The following ESR1 variants were observed in gnomAD, a reference collection of about 807,000 sequenced individuals.
The protein encoded by ESR1 is estrogen receptor.
A neutral mutation model predicts 52.7 loss-of-function variants in ESR1; 12 were observed. The observed-to-expected ratio is 0.23, with a 90% CI of 0.15 to 0.37. The LOEUF (loss-of-function observed/expected upper bound fraction) is 0.37, where lower values mean the gene tolerates loss of function less well. Ranked by LOEUF, ESR1 falls within the 10% of genes least tolerant of loss-of-function variation. ESR1 has a pLI of 1.00. For missense variants in ESR1, 584 were observed against 779.7 expected (o/e 0.75, Z 2.99); for synonymous variants, 305 against 316.8 (o/e 0.96, Z 0.39).
intron 2 of ESR1, among the ~76,000 whole-genome samples, chr6:151,870,053 G>T (rs1470219795): frequency 6.6e-6 from 1 of 152,056 alleles, no homozygotes; most frequent in Non-Finnish European, 1.5e-5. Context: ...CATTTTCTTT[G>T]GCTCATTGCA....
Position 151,807,881 on chromosome 6 carries a change from C to T in ESR1, c.-32C>T. On this transcript the variant is annotated 5_prime_UTR_variant, in exon 1 of 8. Coordinates refer to ENST00000206249, the MANE Select transcript of ESR1 (RefSeq NM_000125.4). ...TTCTGAGCCTTCTGCCCTGCGGGGA[C>T]ACGGTCTGCACCCTGCCCGCGGCCA... is the stretch of plus-strand genomic sequence containing the variant. 1 of 1,599,336 alleles carries T rather than the reference C, an allele frequency of 6.3e-7. No individual in the cohort carries two copies.
At chr6:151,891,484 T>G (rs1794692009) in intron 3 of ESR1, among the ~76,000 whole-genome samples, 1 of 151,996 alleles carries the variant, frequency 6.6e-6, no homozygotes, top group South Asian at 2.1e-4. Flanking sequence ...TTCCATATGC[T>G]TTTTTTTGTT....
At chr6:151,869,683 T>G (rs1790598265) in intron 2 of ESR1, among the ~76,000 whole-genome samples, 1 of 152,228 alleles carries the variant, frequency 6.6e-6, no homozygotes, top group African/African-American at 2.4e-5. Flanking sequence ...AGATAGAGGC[T>G]TTCCTCTTCA....
rs1401548943 is a variant in ESR1 at position 151,697,132 on chromosome 6, G to T, written c.-201-4743G>T. The stretch of plus-strand genomic sequence containing the variant: ...TGGTGTAGGATTGGAATGAAATAAA[G>T]ACTTAACCTTAGAAAAATACTGTGT... On this transcript the variant is annotated intron_variant, in intron 1 of 2. Coordinates refer to the ESR1 transcript ENST00000404742. 3.9e-5 allele frequency among the ~76,000 whole-genome samples: 6 copies of T among 152,240 alleles called. No homozygotes were observed. In the East Asian group the frequency reaches 1.2e-3, roughly 29 times the overall value.
intron 2 of ESR1, among the ~76,000 whole-genome samples, chr6:151,712,927 G>A (rs3020338): frequency 0.24 from 35,802 of 151,970 alleles, 4,350 homozygotes; most frequent in Non-Finnish European, 0.25. Context: ...GTTTTCAAAG[G>A]GAATTCTTCC....
intron 4 of ESR1, among the ~76,000 whole-genome samples, chr6:151,957,745 T>C (rs1265260532): frequency 6.6e-6 from 1 of 151,166 alleles, no homozygotes; most frequent in Non-Finnish European, 1.5e-5. Flanking sequence ...ATAAATCCTA[T>C]TTCAGATGTG....
At chr6:151,783,119 C>G (rs1786704760) in intron 2 of ESR1, among the ~76,000 whole-genome samples, 1 of 152,256 alleles carries the variant, frequency 6.6e-6, no homozygotes, top group Admixed American at 6.5e-5. Context: ...AAGGACACTG[C>G]AATGACTGTC....
intron 3 of ESR1, among the ~76,000 whole-genome samples, chr6:151,914,778 A>G (rs1446461101): frequency 1.3e-5 from 2 of 152,188 alleles, no homozygotes; most frequent in Non-Finnish European, 2.9e-5. Flanking sequence ...AGCGTCCTCC[A>G]TAGTACATAA....
intron 5 of ESR1, among the ~76,000 whole-genome samples, chr6:152,056,254 T>C (rs755352378): frequency 6.6e-6 from 1 of 152,210 alleles, no homozygotes; most frequent in East Asian, 1.9e-4. Flanking sequence ...TTTTGTAGCA[T>C]TGAAGATAAA....
At chr6:151,891,000 A>G (rs753459546) in intron 3 of ESR1, among the ~76,000 whole-genome samples, 1 of 152,028 alleles carries the variant, frequency 6.6e-6, no homozygotes, top group Non-Finnish European at 1.5e-5. Context: ...GCGATTTTCT[A>G]TAGTGGTATC....
At chr6:152,041,066 C>G (rs1327696975) in intron 5 of ESR1, among the ~76,000 whole-genome samples, 1 of 152,208 alleles carries the variant, frequency 6.6e-6, no homozygotes, top group Non-Finnish European at 1.5e-5. Context: ...GTCAAACATA[C>G]AGTTTCTACC....
At chr6:152,065,493 A>G (rs3778081) in intron 6 of ESR1, among the ~76,000 whole-genome samples, 12,656 of 152,142 alleles carry the variant, frequency 0.083, 864 homozygotes, top group East Asian at 0.34. Flanking sequence ...TCTCTAATAA[A>G]TGTTTGGTTT....
intron 4 of ESR1, among the ~76,000 whole-genome samples, chr6:151,964,528 A>G (rs2038036027): frequency 6.6e-6 from 1 of 152,120 alleles, no homozygotes; most frequent in Non-Finnish European, 1.5e-5. Context: ...TGTATGCTTC[A>G]ACTTTACTGC....
intron 2 of ESR1, among the ~76,000 whole-genome samples, chr6:151,793,258 A>G (rs948509037): frequency 6.6e-6 from 1 of 152,072 alleles, no homozygotes; most frequent in South Asian, 2.1e-4. Flanking sequence ...GGTCAGGATC[A>G]TCAATGTCAC....
At position 151,961,834 on chromosome 6, in the gene ESR1, C is replaced by T. The variant is rs543127910; in HGVS notation, c.1096+17326C>T. Reference sequence around the variant, plus strand: ...AGTAAATAGCATGGCTGCTGAGCTGCGTTACAAGCCCACCCGGTGTTGGGT... The same window carrying T: ...AGTAAATAGCATGGCTGCTGAGCTGTGTTACAAGCCCACCCGGTGTTGGGT... On this transcript the variant is annotated intron_variant, in intron 4 of 7. Coordinates refer to ENST00000206249, the MANE Select transcript of ESR1 (RefSeq NM_000125.4). Among the ~76,000 whole-genome samples, 156 of 152,238 alleles carry T rather than the reference C, an allele frequency of 1.0e-3. 1 individual carries two copies. The South Asian group carries it at 0.029, about 29-fold the overall frequency.
intron 2 of ESR1, among the ~76,000 whole-genome samples, chr6:151,782,165 GA>G (rs1274881640): frequency 6.6e-6 from 1 of 152,130 alleles, no homozygotes; most frequent in African/African-American, 2.4e-5. Flanking sequence ...CAACCTGTTG[GA>G]GTTGGAAACT....
At chr6:151,666,806 T>C (rs1470891316) in intron 1 of ESR1, among the ~76,000 whole-genome samples, 1 of 146,566 alleles carries the variant, frequency 6.8e-6, no homozygotes. Flanking sequence ...AATGCACATG[T>C]TGGAGGACGA....
chr6:151,839,019 A>G (rs1475942655), intron 1 of ESR1, among the ~76,000 whole-genome samples: 1 of 152,176 alleles, frequency 6.6e-6, no homozygotes, highest in African/African-American at 2.4e-5. Context: ...ACATTTATTG[A>G]TTCAGTCATT....
intron 4 of ESR1, among the ~76,000 whole-genome samples, chr6:151,998,984 A>G (rs2041731530): frequency 6.6e-6 from 1 of 152,092 alleles, no homozygotes; most frequent in Admixed American, 6.6e-5. Flanking sequence ...ACAGAGTTAC[A>G]TCATCTGTTC....
Sources: gnomAD v4.1 joint callset for allele counts (sites outside exome capture counted in the v4.1 genomes callset) on GRCh38, gnomAD v4.1.1 for gene constraint, MANE v1.5 for transcripts, NCBI Gene and HGNC (gene_info 2026-07-23, HGNC 2026-07-21) for gene names.